PYHIN1: variants seen among roughly 807,000 people sequenced by gnomAD.
PYHIN1 encodes the protein pyrin and HIN domain family member 1.
In PYHIN1, 32 loss-of-function variants were observed where a neutral mutation model predicts 43.7. The observed-to-expected ratio is 0.73, with a 90% confidence interval of 0.55 to 0.98. The LOEUF is 0.98. Ranked by LOEUF, PYHIN1 falls within the 50% of genes least tolerant of loss-of-function variation. The probability of loss-of-function intolerance (pLI) is 0.00; values close to 1 mark genes in which losing one functional copy is unlikely to be tolerated. For missense variants in PYHIN1, 588 were observed against 589.5 expected (o/e 1.00, Z 0.03); for synonymous variants, 205 against 203.1 (o/e 1.01, Z -0.08).
chr1:158,948,553 G>A (rs954073037), intron 7 of PYHIN1, among the ~76,000 whole-genome samples: 3 of 152,204 alleles, frequency 2.0e-5, no homozygotes, highest in Non-Finnish European at 4.4e-5. Flanking sequence ...GATTGCAGTA[G>A]TGCAAGAATC....
chr1:158,985,758 T>C, the PYHIN1 span, among the ~76,000 whole-genome samples: 1 of 152,208 alleles, frequency 6.6e-6, no homozygotes. Context: ...TCCAAGTTGC[T>C]TGGTCTCTCT....
intron 8 of PYHIN1, among the ~76,000 whole-genome samples, chr1:158,974,913 T>G (rs1571790973): frequency 6.6e-6 from 1 of 152,180 alleles, no homozygotes; most frequent in Middle Eastern, 3.4e-3. Flanking sequence ...AGGACAACAT[T>G]CTGGAAAAGA....
chr1:158,963,746 C>A (rs1383052653), intron 7 of PYHIN1, among the ~76,000 whole-genome samples: 6 of 152,222 alleles, frequency 3.9e-5, no homozygotes, highest in Admixed American at 1.3e-4. Flanking sequence ...AGCCTCAGCT[C>A]TCTAACAACA....
intron 7 of PYHIN1, among the ~76,000 whole-genome samples, chr1:158,960,609 C>T (rs182599457): frequency 6.6e-6 from 1 of 152,330 alleles, no homozygotes; most frequent in African/African-American, 2.4e-5. Flanking sequence ...TCTTGTGCCA[C>T]TCATCATGGG....
chr1:158,968,590 C>T (rs561401006), intron 7 of PYHIN1, among the ~76,000 whole-genome samples: 46 of 152,112 alleles, frequency 3.0e-4, no homozygotes, highest in Non-Finnish European at 6.2e-4. Flanking sequence ...AATCCTAGTA[C>T]TGGGCATATG....
intron 7 of PYHIN1, among the ~76,000 whole-genome samples, chr1:158,967,590 C>T (rs1291128976): frequency 3.9e-5 from 6 of 151,960 alleles, no homozygotes; most frequent in Admixed American, 1.3e-4. Flanking sequence ...TTAGAAAACA[C>T]GATTTTAAAA....
intron 4 of PYHIN1, chr1:158,939,491 T>C (rs1470441252): frequency 7.7e-6 from 12 of 1,550,856 alleles, no homozygotes; most frequent in Non-Finnish European, 1.0e-5. Context: ...CTGCGGAATC[T>C]GGAACTTTCA....
intron 1 of PYHIN1, among the ~76,000 whole-genome samples, 157 bp from the exon 2 acceptor site, chr1:158,936,734 A>G (rs905361958): frequency 5.3e-5 from 8 of 152,232 alleles, no homozygotes; most frequent in African/African-American, 1.9e-4. Flanking sequence ...ACCCACAGCC[A>G]ATATCATACT....
chr1:158,942,441 A>G, intron 5 of PYHIN1, 42 bp downstream of exon 5: 3 of 1,469,192 alleles, frequency 2.0e-6, no homozygotes, highest in Non-Finnish European at 2.7e-6. Flanking sequence ...CTACAATAAC[A>G]CTTGAAATTA....
At chr1:158,982,885 T>C in the PYHIN1 span, among the ~76,000 whole-genome samples, 1 of 151,730 alleles carries the variant, frequency 6.6e-6, no homozygotes, top group Non-Finnish European at 1.5e-5. Flanking sequence ...CCTATGTGTT[T>C]ATTCTTTGTG....
At chr1:158,986,795 C>A in the PYHIN1 span, among the ~76,000 whole-genome samples, 1 of 152,160 alleles carries the variant, frequency 6.6e-6, no homozygotes, top group South Asian at 2.1e-4. Context: ...CTGTGCCAAA[C>A]CCTCTGTCTG....
At chr1:158,964,992 T>G (rs1266517548) in intron 7 of PYHIN1, among the ~76,000 whole-genome samples, 1 of 151,874 alleles carries the variant, frequency 6.6e-6, no homozygotes, top group African/African-American at 2.4e-5. Flanking sequence ...TCAAGAGACC[T>G]GTCTCACATG....
intron 7 of PYHIN1, among the ~76,000 whole-genome samples, chr1:158,950,573 C>T (rs1649471440): frequency 6.6e-6 from 1 of 152,210 alleles, no homozygotes; most frequent in Non-Finnish European, 1.5e-5. Flanking sequence ...CCGTACATTA[C>T]CGTTGACATC....
At chr1:158,934,370 T>C (rs1648377205) in intron 1 of PYHIN1, among the ~76,000 whole-genome samples, 1 of 152,198 alleles carries the variant, frequency 6.6e-6, no homozygotes, top group South Asian at 2.1e-4. Flanking sequence ...ATTTCTAAAC[T>C]TTTTGTTTAG....
intron 7 of PYHIN1, among the ~76,000 whole-genome samples, chr1:158,958,072 G>T (rs529257608): frequency 1.4e-4 from 22 of 152,280 alleles, no homozygotes; most frequent in South Asian, 6.2e-4. Flanking sequence ...TCTCACACCA[G>T]TTAGAATGGC....
At chr1:158,981,160 A>T (rs1232287075), downstream of PYHIN1, among the ~76,000 whole-genome samples, 1 of 152,192 alleles carries the variant, frequency 6.6e-6, no homozygotes, top group Non-Finnish European at 1.5e-5. Flanking sequence ...ACCACTGTTA[A>T]TGGCCATCTA....
downstream of PYHIN1, among the ~76,000 whole-genome samples, chr1:158,980,081 G>A (rs1651436831): frequency 6.6e-6 from 1 of 152,126 alleles, no homozygotes; most frequent in African/African-American, 2.4e-5. Flanking sequence ...GGAAGTCAGG[G>A]ACCCCAAATG....
chr1:158,975,400 AT>A (rs1651198412), intron 8 of PYHIN1, among the ~76,000 whole-genome samples: 1 of 152,140 alleles, frequency 6.6e-6, no homozygotes, highest in Admixed American at 6.6e-5. Context: ...CAGAATTACT[AT>A]ATGGGAAAAA....
chr1:158,977,266 G>T (rs1291361002), downstream of PYHIN1, among the ~76,000 whole-genome samples: 1 of 152,022 alleles, frequency 6.6e-6, no homozygotes, highest in Non-Finnish European at 1.5e-5. Flanking sequence ...TGATTCTGTT[G>T]CAAGCACTGT....
Sources: gnomAD v4.1 joint callset for allele counts (sites outside exome capture counted in the v4.1 genomes callset) on GRCh38, gnomAD v4.1.1 for gene constraint, MANE v1.5 for transcripts, NCBI Gene and HGNC (gene_info 2026-07-23, HGNC 2026-07-21) for gene names.